GRIK1: variants seen among roughly 807,000 people sequenced by gnomAD.
The protein encoded by GRIK1 is glutamate receptor ionotropic, kainate 1.
Under a neutral mutation model 105.7 loss-of-function variants are expected in GRIK1, and 69 were observed. That is an observed-to-expected ratio of 0.65 (90% confidence interval 0.54 to 0.80). The LOEUF is 0.80. GRIK1 is among the 30% of genes least tolerant of loss of function. The pLI, the probability that GRIK1 is intolerant of heterozygous loss-of-function variation, is 0.00. For missense variants in GRIK1, 1,109 were observed against 1,167.3 expected, an observed-to-expected ratio of 0.95 and a Z score of 0.73; for synonymous variants, 438 against 431.3, an observed-to-expected ratio of 1.02 and a Z score of -0.19.
At chr21:29,608,820 G>T (rs960404681) in intron 7 of GRIK1, among the ~76,000 whole-genome samples, 52 of 152,238 alleles carry the variant, frequency 3.4e-4, no homozygotes, top group African/African-American at 1.3e-3. Context: ...CATTGGTATA[G>T]ACTTTGGATA....
chr21:29,638,058 A>G (rs1191077031), intron 7 of GRIK1, among the ~76,000 whole-genome samples: 1 of 152,204 alleles, frequency 6.6e-6, no homozygotes, highest in African/African-American at 2.4e-5. Flanking sequence ...TAACAGTAAT[A>G]AGAAACATGC....
chr21:29,915,034 AT>A (rs1454861529), intron 1 of GRIK1, among the ~76,000 whole-genome samples: 18 of 152,200 alleles, frequency 1.2e-4, no homozygotes, highest in Non-Finnish European at 2.4e-4. Flanking sequence ...TTCTAAAGAA[AT>A]ATAGGTGATG....
At chr21:29,844,400 C>A (rs937338580) in intron 1 of GRIK1, among the ~76,000 whole-genome samples, 2 of 152,098 alleles carry the variant, frequency 1.3e-5, no homozygotes, top group African/African-American at 4.8e-5. Flanking sequence ...AGGCCTCAAG[C>A]CCCAAGTTTT....
intron 7 of GRIK1, among the ~76,000 whole-genome samples, chr21:29,604,635 A>G (rs1164718243): frequency 6.6e-6 from 1 of 152,232 alleles, no homozygotes; most frequent in African/African-American, 2.4e-5. Context: ...CCTTATGTAG[A>G]AGCATTTGCA....
chr21:29,714,089 CATG>C (rs1168203568), intron 1 of GRIK1, among the ~76,000 whole-genome samples: 1 of 152,178 alleles, frequency 6.6e-6, no homozygotes, highest in African/African-American at 2.4e-5. Context: ...AGAATATTAA[CATG>C]ATCTAATCTG....
intron 9 of GRIK1, among the ~76,000 whole-genome samples, chr21:29,594,405 C>G (rs976198317): frequency 6.6e-6 from 1 of 152,152 alleles, no homozygotes; most frequent in African/African-American, 2.4e-5. Context: ...TACTGTTCTA[C>G]GAACTAGGAG....
At chr21:29,560,043 T>C (rs892829215) in intron 15 of GRIK1, among the ~76,000 whole-genome samples, 12 of 152,172 alleles carry the variant, frequency 7.9e-5, no homozygotes, top group African/African-American at 2.7e-4. Flanking sequence ...CTGCATGATG[T>C]GGAGAGTCAT....
intron 7 of GRIK1, among the ~76,000 whole-genome samples, chr21:29,603,002 T>C (rs1296903926): frequency 6.6e-6 from 1 of 152,118 alleles, no homozygotes; most frequent in Non-Finnish European, 1.5e-5. Context: ...TGCCCAAATA[T>C]GAACACAGGG....
intron 1 of GRIK1, among the ~76,000 whole-genome samples, chr21:29,898,043 G>A (rs1404703949): frequency 6.6e-6 from 1 of 152,172 alleles, no homozygotes; most frequent in African/African-American, 2.4e-5. Context: ...TAAATTTCAT[G>A]TCTTTAGCTT....
chr21:29,654,046 G>A (rs2062796757), intron 5 of GRIK1, among the ~76,000 whole-genome samples: 1 of 152,094 alleles, frequency 6.6e-6, no homozygotes, highest in Non-Finnish European at 1.5e-5. Flanking sequence ...CCAGAATCCA[G>A]GTCAAATTTA....
At chr21:29,570,785 T>A (rs2090726269) in intron 14 of GRIK1, among the ~76,000 whole-genome samples, 1 of 152,066 alleles carries the variant, frequency 6.6e-6, no homozygotes, top group Non-Finnish European at 1.5e-5. Context: ...GTTGATGATC[T>A]TGTGACAACA....
intron 1 of GRIK1, among the ~76,000 whole-genome samples, chr21:29,736,429 G>A (rs384554): frequency 0.76 from 114,952 of 151,860 alleles, 45,962 homozygotes; most frequent in South Asian, 0.89. Context: ...AGGTGTCACT[G>A]TGGTGGCCAG....
At chr21:29,882,705 C>G (rs942116674) in intron 1 of GRIK1, among the ~76,000 whole-genome samples, 1 of 152,042 alleles carries the variant, frequency 6.6e-6, no homozygotes, top group Non-Finnish European at 1.5e-5. Context: ...ATGCATATTC[C>G]CTGGCCTAGG....
At position 29,900,459 on chromosome 21, in the gene GRIK1, C is replaced by CAAAAAAAAAAAAAAA. The variant is rs746842761; in HGVS notation, c.118+38923_118+38924insTTTTTTTTTTTTTTT. ...GAAGATCTACCAAACAAATGGAAAG[C>CAAAAAAAAAAAAAAA]AAGAAAAAAAAAAAAAAAAAGCAAG... On this transcript the variant is annotated intron_variant, in intron 1 of 17. Coordinates refer to ENST00000327783, the MANE Select transcript of GRIK1 (RefSeq NM_001330994.2). 3.4e-4 allele frequency among the ~76,000 whole-genome samples: 27 copies of CAAAAAAAAAAAAAAA among 78,298 alleles called. 1 individual carries two copies. Among genetic ancestry groups the CAAAAAAAAAAAAAAA allele is most frequent in the African/African-American group, 4.1e-4 (8 of 19,662 alleles). The allele number at this position is 78,298 out of a possible 152,430, so 51.4% of individuals were successfully genotyped here. A position where few individuals can be genotyped will look rare whatever the true frequency, so the allele number is the denominator to read the frequency against.
intron 1 of GRIK1, among the ~76,000 whole-genome samples, chr21:29,774,461 T>G (rs571255160): frequency 6.7e-6 from 1 of 148,322 alleles, no homozygotes; most frequent in South Asian, 2.2e-4. Flanking sequence ...TTTTTTTTTT[T>G]TTTTTTCTGA....
chr21:29,880,362 G>A (rs1430153687), intron 1 of GRIK1, among the ~76,000 whole-genome samples: 1 of 152,100 alleles, frequency 6.6e-6, no homozygotes, highest in East Asian at 1.9e-4. Context: ...CTTCAGATGT[G>A]CATTAAGAAA....
intron 16 of GRIK1, among the ~76,000 whole-genome samples, chr21:29,546,306 A>G (rs1030840624): frequency 1.3e-5 from 2 of 152,202 alleles, no homozygotes; most frequent in African/African-American, 4.8e-5. Context: ...GGAAGACACT[A>G]TGTATGAAAC....
chr21:29,818,821 G>A (rs2067223332), intron 1 of GRIK1, among the ~76,000 whole-genome samples: 1 of 151,702 alleles, frequency 6.6e-6, no homozygotes, highest in African/African-American at 2.4e-5. Context: ...GTCACAGTTA[G>A]GATGAATCTG....
At chr21:29,812,888 A>T (rs1198339862) in intron 1 of GRIK1, among the ~76,000 whole-genome samples, 1 of 152,196 alleles carries the variant, frequency 6.6e-6, no homozygotes, top group Non-Finnish European at 1.5e-5. Flanking sequence ...TCCTTTAAGC[A>T]TTTCATTCTT....
Sources: gnomAD v4.1 joint callset for allele counts (sites outside exome capture counted in the v4.1 genomes callset) on GRCh38, gnomAD v4.1.1 for gene constraint, MANE v1.5 for transcripts, NCBI Gene and HGNC (gene_info 2026-07-23, HGNC 2026-07-21) for gene names.